The following KLRB1 variants were observed in gnomAD, a reference collection of about 807,000 sequenced individuals.
KLRB1 encodes killer cell lectin like receptor B1.
A neutral mutation model predicts 33.5 loss-of-function variants in KLRB1; 27 were observed. The ratio of observed to expected loss-of-function variants is 0.81; its 90% CI spans 0.59 to 1.11. KLRB1 has a LOEUF of 1.11. KLRB1 is among the 50% of genes most tolerant of loss of function. The probability of loss-of-function intolerance (pLI) is 0.00; values close to 1 mark genes in which losing one functional copy is unlikely to be tolerated. For missense variants in KLRB1, 241 were observed against 254.1 expected (o/e 0.95, Z 0.35); for synonymous variants, 64 against 88.9 (o/e 0.72, Z 1.58).
At chr12:9,607,327 CTT>C (rs1311529298) in intron 1 of KLRB1, among the ~76,000 whole-genome samples, 19 of 44,010 alleles carry the variant, frequency 4.3e-4, no homozygotes, top group African/African-American at 1.2e-3. Context: ...TTTTCTTTCT[CTT>C]TCTTTCCTTT....
intron 1 of KLRB1, among the ~76,000 whole-genome samples, chr12:9,604,506 A>G (rs1372075223): frequency 6.6e-6 from 1 of 152,002 alleles, no homozygotes; most frequent in East Asian, 1.9e-4. Context: ...TTTTGCCCTC[A>G]CCCCATCTGG....
chr12:9,607,349 TTTC>T (rs1565444593), intron 1 of KLRB1, among the ~76,000 whole-genome samples: 40 of 67,372 alleles, frequency 5.9e-4, no homozygotes, highest in African/African-American at 1.9e-3. Context: ...TCTTTCTTTC[TTTC>T]TTCCTTTCTT....
chr12:9,601,610 A>G lies in KLRB1; in HGVS notation c.86-11T>C. 6.4e-7 allele frequency: 1 copy of G among 1,570,120 alleles called. No individual in the cohort carries two copies. Among genetic ancestry groups the G allele is most frequent in the Non-Finnish European group, 8.7e-7 (1 of 1,152,686 alleles). ...AACCCTGACAGACATCTGAAAAGTT[A>G]AAAAGAAAAACACAAAAACAAACAA... On this transcript the variant is annotated splice_polypyrimidine_tract_variant and intron_variant, in intron 1 of 5. Coordinates refer to ENST00000229402, the MANE Select transcript of KLRB1 (RefSeq NM_002258.3).
chr12:9,601,450 G>T, intron 2 of KLRB1, 51 bp downstream of exon 2: 1 of 1,353,518 alleles, frequency 7.4e-7, no homozygotes, highest in African/African-American at 1.4e-5. Context: ...TCTAAGATAC[G>T]TAATGGAAGT....
chr12:9,599,024 A>G (rs527650904), intron 3 of KLRB1, among the ~76,000 whole-genome samples: 246 of 152,358 alleles, frequency 1.6e-3, no homozygotes, highest in Non-Finnish European at 2.8e-3. Flanking sequence ...TAAATTCATC[A>G]CCAGTGCCTG....
At position 9,597,971 on chromosome 12, in the gene KLRB1, A is replaced by T. The variant is rs765825204; in HGVS notation, c.530+75T>A. ...AAACCAAATTAAAACTACAAAACTC[A>T]ATCTTCAGTGTTACTACCTTGCAGT... On this transcript the variant is annotated intron_variant, in intron 5 of 5. Coordinates refer to ENST00000229402, the MANE Select transcript of KLRB1 (RefSeq NM_002258.3). 1.9e-5 allele frequency: 13 copies of T among 702,468 alleles called. No individual in the cohort carries two copies. The South Asian group carries it at 2.3e-4, about 12-fold the overall frequency. The allele number at this position is 702,468 out of a possible 1,614,324, so 43.5% of individuals were successfully genotyped here.
At chr12:9,600,149 CATCTTCAA>C (rs1287030503) in intron 2 of KLRB1, among the ~76,000 whole-genome samples, 1 of 152,164 alleles carries the variant, frequency 6.6e-6, no homozygotes, top group East Asian at 1.9e-4. Flanking sequence ...TGAACTTTAT[CATCTTCAA>C]AATGAGTCTA....
At chr12:9,605,878 T>A (rs1442981407) in intron 1 of KLRB1, among the ~76,000 whole-genome samples, 2 of 152,214 alleles carry the variant, frequency 1.3e-5, no homozygotes. Flanking sequence ...AGAAAAAATT[T>A]CTGCATCCAT....
chr12:9,602,425 GA>G (rs1864556241), intron 1 of KLRB1, among the ~76,000 whole-genome samples: 1 of 151,912 alleles, frequency 6.6e-6, no homozygotes, highest in African/African-American at 2.4e-5. Context: ...AAAAAATAAA[GA>G]GAGATTTATA....
chr12:9,594,731 A>C lies in KLRB1; in HGVS notation c.*543T>G, dbSNP rs2120702551. On this transcript the variant is annotated 3_prime_UTR_variant, in exon 6 of 6. Coordinates refer to ENST00000229402, the MANE Select transcript of KLRB1 (RefSeq NM_002258.3). ...GCTGGCTAGGGGCAATAAATTTTCT[A>C]GAGGAGTCACTAGGAGATATATTGG... The C allele has an allele frequency of 6.6e-6, 1 of 151,916 alleles. No individual in the cohort carries two copies. The highest frequency in any genetic ancestry group is 2.4e-5 in the African/African-American group (1 of 41,208). 9.4% of individuals were successfully genotyped at this position (151,916 alleles called of 1,614,324 possible).
chr12:9,595,277 A>G lies in KLRB1; in HGVS notation c.675T>C (p.Ser225=), dbSNP rs1193440160. 1 of 1,613,018 alleles carries G rather than the reference A, an allele frequency of 6.2e-7. No homozygotes were observed. Among genetic ancestry groups the G allele is most frequent in the Middle Eastern group, 1.7e-4 (1 of 6,054 alleles). Residue 225 remains serine (S), a synonymous_variant, in exon 6 of 6, where the codon TCT becomes TCC. Coordinates refer to ENST00000229402, the MANE Select transcript of KLRB1 (RefSeq NM_002258.3). ...TPVRNKVYPD[S] is the part of the protein sequence containing the mutation. ...TAAATTGAGATGGGATTCATAGTCA[A>G]GAGTCAGGATACACTTTATTTCTCA...
intron 1 of KLRB1, among the ~76,000 whole-genome samples, chr12:9,602,721 C>T (rs1864558580): frequency 6.6e-6 from 1 of 151,962 alleles, no homozygotes; most frequent in South Asian, 2.1e-4. Flanking sequence ...TTTGTATTGT[C>T]TATTCCTTTT....
intron 1 of KLRB1, among the ~76,000 whole-genome samples, chr12:9,607,339 T>TTCCTGC (rs1330109407): frequency 2.9e-4 from 18 of 61,236 alleles, no homozygotes; most frequent in Admixed American, 1.6e-3. Flanking sequence ...TTCTTTCCTT[T>TTCCTGC]CTTTCTTTCT....
chr12:9,596,363 G>A (rs1264458661), intron 5 of KLRB1, among the ~76,000 whole-genome samples: 1 of 152,010 alleles, frequency 6.6e-6, no homozygotes, highest in African/African-American at 2.4e-5. Flanking sequence ...CAATTATCAG[G>A]GTAATTTTTT....
intron 1 of KLRB1, among the ~76,000 whole-genome samples, chr12:9,604,863 A>G (rs960962155): frequency 6.6e-6 from 1 of 151,816 alleles, no homozygotes; most frequent in Non-Finnish European, 1.5e-5. Context: ...TTATACTTTA[A>G]GTTCTAGGGT....
intron 5 of KLRB1, among the ~76,000 whole-genome samples, chr12:9,596,332 C>T (rs1374197685): frequency 6.6e-6 from 1 of 152,174 alleles, no homozygotes; most frequent in Admixed American, 6.6e-5. Context: ...TTTATCTCTT[C>T]CACCCTTTTA....
chr12:9,607,332 T>TCTTTC (rs1264714647), intron 1 of KLRB1, among the ~76,000 whole-genome samples: 2,360 of 58,542 alleles, frequency 0.04, 162 homozygotes, highest in Middle Eastern at 0.068. Flanking sequence ...TTTCTCTTTC[T>TCTTTC]TTCCTTTCTT....
At chr12:9,606,599 G>A (rs968054105) in intron 1 of KLRB1, 11 of 148,020 alleles carry the variant, frequency 7.4e-5, no homozygotes, top group African/African-American at 1.5e-4. Flanking sequence ...TCCAGAAAGT[G>A]TTCCCCTCTC....
intron 2 of KLRB1, 110 bp downstream of exon 2, chr12:9,601,391 C>A: frequency 1.4e-6 from 1 of 695,224 alleles, no homozygotes; most frequent in South Asian, 1.7e-5. Context: ...TCCCACCTTA[C>A]GAGAAACACC....
Sources: gnomAD v4.1 joint callset for allele counts (sites outside exome capture counted in the v4.1 genomes callset) on GRCh38, gnomAD v4.1.1 for gene constraint, MANE v1.5 for transcripts, NCBI Gene and HGNC (gene_info 2026-07-23, HGNC 2026-07-21) for gene names.